ARHGAP42: variants seen among roughly 807,000 people sequenced by gnomAD.
ARHGAP42 encodes Rho GTPase activating protein 42.
A neutral mutation model predicts 125.0 loss-of-function variants in ARHGAP42; 63 were observed. The ratio of observed to expected loss-of-function variants is 0.50; its 90% confidence interval spans 0.41 to 0.62. ARHGAP42 has a LOEUF of 0.62. Among genes scored for constraint, ARHGAP42 ranks in the 20% least tolerant of loss-of-function variants. The probability of loss-of-function intolerance (pLI) is 0.00; values close to 1 mark genes in which losing one functional copy is unlikely to be tolerated. For missense variants in ARHGAP42, 766 were observed against 1,024.2 expected (o/e 0.75, Z 3.44); for synonymous variants, 339 against 351.0 (o/e 0.97, Z 0.38).
At chr11:100,859,507 G>A in intron 3 of ARHGAP42, 47 bp from the exon 4 acceptor site, 2 of 1,454,246 alleles carry the variant, frequency 1.4e-6, no homozygotes, top group Non-Finnish European at 1.9e-6. Flanking sequence ...CAATGTTGTT[G>A]GCATGAAATT....
intron 3 of ARHGAP42, among the ~76,000 whole-genome samples, chr11:100,805,128 C>T (rs952557688): frequency 1.3e-5 from 2 of 152,070 alleles, no homozygotes; most frequent in Admixed American, 6.6e-5. Flanking sequence ...ATTAATATAC[C>T]CATTTCAAAG....
chr11:100,888,089 C>G (rs1166315560), intron 4 of ARHGAP42, among the ~76,000 whole-genome samples: 1 of 152,132 alleles, frequency 6.6e-6, no homozygotes, highest in Non-Finnish European at 1.5e-5. Context: ...TTCAGAGTAG[C>G]AGAAACTTCT....
intron 1 of ARHGAP42, among the ~76,000 whole-genome samples, chr11:100,714,888 C>CAATACAAAAAT (rs1861629016): frequency 1.3e-5 from 2 of 151,492 alleles, no homozygotes; most frequent in Admixed American, 1.3e-4. Context: ...TCTACAAAAA[C>CAATACAAAAAT]AATACAAAAA....
intron 11 of ARHGAP42, among the ~76,000 whole-genome samples, chr11:100,949,117 A>G (rs1002118645): frequency 4.6e-5 from 7 of 152,090 alleles, no homozygotes; most frequent in African/African-American, 1.7e-4. Context: ...GAACACTGTT[A>G]CTAGATCAGT....
intron 4 of ARHGAP42, among the ~76,000 whole-genome samples, chr11:100,895,458 A>AT (rs1332940691): frequency 6.8e-6 from 1 of 147,776 alleles, no homozygotes; most frequent in African/African-American, 2.5e-5. Flanking sequence ...TGCAATAATA[A>AT]TTTTTTTCCC....
chr11:100,719,058 A>G (rs1417489726), intron 1 of ARHGAP42, among the ~76,000 whole-genome samples: 1 of 152,210 alleles, frequency 6.6e-6, no homozygotes, highest in Non-Finnish European at 1.5e-5. Context: ...TCATCCTTCA[A>G]AGAAAATAGA....
chr11:100,836,596 T>C (rs1662096844), intron 3 of ARHGAP42, among the ~76,000 whole-genome samples: 1 of 152,064 alleles, frequency 6.6e-6, no homozygotes, highest in South Asian at 2.1e-4. Flanking sequence ...AATTCTGTTA[T>C]AAAATGATGA....
At chr11:100,741,577 C>G (rs937438262) in intron 1 of ARHGAP42, among the ~76,000 whole-genome samples, 1 of 152,152 alleles carries the variant, frequency 6.6e-6, no homozygotes, top group Non-Finnish European at 1.5e-5. Context: ...GCTTCCTCAC[C>G]CTGTATAGTT....
intron 3 of ARHGAP42, among the ~76,000 whole-genome samples, chr11:100,840,273 C>T (rs897204733): frequency 6.6e-5 from 10 of 152,200 alleles, no homozygotes; most frequent in African/African-American, 2.2e-4. Context: ...CACCCAAGGT[C>T]GCTGCGACAC....
At chr11:100,815,342 G>A (rs1473665827) in intron 3 of ARHGAP42, among the ~76,000 whole-genome samples, 1 of 152,122 alleles carries the variant, frequency 6.6e-6, no homozygotes, top group African/African-American at 2.4e-5. Context: ...AGTCATTTAT[G>A]TAGGCTGGAT....
chr11:100,781,947 T>TG lies in ARHGAP42; in HGVS notation c.250+11509_250+11510insG, dbSNP rs1228961374. 9.8e-3 allele frequency among the ~76,000 whole-genome samples: 1,485 copies of TG among 151,894 alleles called. 18 individuals carry two copies. Among genetic ancestry groups the TG allele is most frequent in the African/African-American group, 0.034 (1,390 of 41,372 alleles). On this transcript the variant is annotated intron_variant, in intron 2 of 23. Transcript: ENST00000298815. Reference sequence around the variant, plus strand: ...ACCACCACGAGATTTTTTTTTTTTTTTGTGCATTTAGAGCATTGGACAATT... The same window carrying TG: ...ACCACCACGAGATTTTTTTTTTTTTTGTGTGCATTTAGAGCATTGGACAATT...
intron 6 of ARHGAP42, among the ~76,000 whole-genome samples, chr11:100,924,528 A>G (rs1304010169): frequency 6.6e-6 from 1 of 151,816 alleles, no homozygotes; most frequent in African/African-American, 2.4e-5. Context: ...TTAGCTGGGC[A>G]TGGGGGTGTG....
intron 1 of ARHGAP42, among the ~76,000 whole-genome samples, chr11:100,725,876 A>G (rs886279138): frequency 3.3e-5 from 5 of 149,922 alleles, no homozygotes; most frequent in Admixed American, 6.7e-5. Context: ...CGGAGCTTGC[A>G]ATGAGCCGAG....
chr11:100,791,740 A>C (rs990436210), intron 2 of ARHGAP42, among the ~76,000 whole-genome samples: 1 of 152,022 alleles, frequency 6.6e-6, no homozygotes, highest in African/African-American at 2.4e-5. Context: ...AGTCTCAGAA[A>C]ACTCCTGGAG....
At chr11:100,883,673 A>G (rs1866015611) in intron 4 of ARHGAP42, among the ~76,000 whole-genome samples, 1 of 152,202 alleles carries the variant, frequency 6.6e-6, no homozygotes, top group South Asian at 2.1e-4. Flanking sequence ...ATATTGTTAT[A>G]TAAAATATCT....
intron 3 of ARHGAP42, among the ~76,000 whole-genome samples, chr11:100,812,665 C>T (rs991720165): frequency 6.6e-6 from 1 of 152,124 alleles, no homozygotes; most frequent in African/African-American, 2.4e-5. Flanking sequence ...TTTCAGGTTG[C>T]CCAGACAGCT....
intron 4 of ARHGAP42, among the ~76,000 whole-genome samples, chr11:100,880,948 T>C (rs1441131260): frequency 6.6e-6 from 1 of 152,164 alleles, no homozygotes; most frequent in Non-Finnish European, 1.5e-5. Context: ...AGGATTTTTT[T>C]TTTCTTGCTA....
At chr11:100,865,333 T>G (rs937150258) in intron 4 of ARHGAP42, among the ~76,000 whole-genome samples, 3 of 152,182 alleles carry the variant, frequency 2.0e-5, no homozygotes, top group Admixed American at 2.0e-4. Flanking sequence ...GAAAAGTGAC[T>G]GCAGTCTAAC....
chr11:100,819,656 C>T (rs1172073192), intron 3 of ARHGAP42, among the ~76,000 whole-genome samples: 1 of 152,100 alleles, frequency 6.6e-6, no homozygotes, highest in Non-Finnish European at 1.5e-5. Flanking sequence ...ATAATAATAG[C>T]ACCGATTTAA....
Sources: allele counts gnomAD v4.1 joint callset (sites outside exome capture counted in the v4.1 genomes callset), GRCh38; gene constraint gnomAD v4.1.1; transcripts MANE v1.5; gene names NCBI Gene and HGNC (gene_info 2026-07-23, HGNC 2026-07-21).